The following CEP192 variants were observed in gnomAD, a reference collection of about 807,000 sequenced individuals.
CEP192 encodes the protein centrosomal protein of 192 kDa.
A neutral mutation model predicts 271.8 loss-of-function variants in CEP192; 151 were observed. The ratio of observed to expected loss-of-function variants is 0.56; its 90% CI spans 0.49 to 0.64. The LOEUF is 0.64. CEP192 is among the 30% of genes least tolerant of loss of function. The pLI, the probability that CEP192 is intolerant of heterozygous loss-of-function variation, is 0.00. For synonymous variants in CEP192, 995 were observed against 1,076.5 expected (o/e 0.92, Z 1.48); for missense variants, 2,910 against 3,020.5 (o/e 0.96, Z 0.86).
At chr18:13,117,410 G>T (rs1007935299) in intron 43 of CEP192, among the ~76,000 whole-genome samples, 175 bp from the exon 44 acceptor site, 8 of 152,100 alleles carry the variant, frequency 5.3e-5, no homozygotes, top group African/African-American at 1.9e-4. Flanking sequence ...TTAAATTCAT[G>T]TTAAAATTTT....
intron 30 of CEP192, among the ~76,000 whole-genome samples, chr18:13,073,392 G>C (rs978803081): frequency 6.6e-6 from 1 of 152,162 alleles, no homozygotes; most frequent in African/African-American, 2.4e-5. Context: ...ATAAGTATTA[G>C]TCTTTCTAAT....
intron 44 of CEP192, among the ~76,000 whole-genome samples, chr18:13,121,518 A>C (rs1190824295): frequency 1.3e-5 from 2 of 152,208 alleles, no homozygotes; most frequent in African/African-American, 4.8e-5. Flanking sequence ...AGGTGGGTGA[A>C]CACGAATGTA....
At chr18:13,079,455 A>G (rs1035745397) in intron 30 of CEP192, among the ~76,000 whole-genome samples, 11 of 152,250 alleles carry the variant, frequency 7.2e-5, no homozygotes, top group African/African-American at 2.6e-4. Context: ...GTGTCTGTTC[A>G]TATCCTTTGC....
intron 40 of CEP192, among the ~76,000 whole-genome samples, chr18:13,107,231 G>A (rs116558747): frequency 0.011 from 1,713 of 152,288 alleles, 42 homozygotes; most frequent in African/African-American, 0.039. Context: ...GTGCTGTGGC[G>A]CATGACTCTA....
chr18:13,114,778 C>T (rs940127905), intron 42 of CEP192, among the ~76,000 whole-genome samples: 2 of 152,146 alleles, frequency 1.3e-5, no homozygotes, highest in African/African-American at 4.8e-5. Flanking sequence ...ATTGCGAGGT[C>T]ACATGATAAC....
chr18:13,072,866 C>G, intron 29 of CEP192, 21 bp downstream of exon 29: 1 of 1,573,222 alleles, frequency 6.4e-7, no homozygotes, highest in Non-Finnish European at 8.7e-7. Context: ...TACGTGGATT[C>G]TTGTTATGTC....
chr18:13,107,166 CA>C (rs2039994567), intron 40 of CEP192, among the ~76,000 whole-genome samples: 1 of 151,978 alleles, frequency 6.6e-6, no homozygotes, highest in South Asian at 2.1e-4. Flanking sequence ...AGCATTTTGC[CA>C]AAGGTCATAC....
intron 40 of CEP192, among the ~76,000 whole-genome samples, chr18:13,106,557 C>G (rs1246712527): frequency 6.6e-6 from 1 of 151,046 alleles, no homozygotes; most frequent in African/African-American, 2.4e-5. Flanking sequence ...CCCACACAAC[C>G]CTCAATAACA....
chr18:13,103,996 G>T (rs988734234), intron 39 of CEP192: 21 of 376,998 alleles, frequency 5.6e-5, no homozygotes, highest in African/African-American at 8.4e-5. Flanking sequence ...GGCCTTGCTG[G>T]TTATTTGTTC....
chr18:13,080,450 G>A (rs1598538564), intron 30 of CEP192, among the ~76,000 whole-genome samples: 1 of 152,108 alleles, frequency 6.6e-6, no homozygotes, highest in Non-Finnish European at 1.5e-5. Flanking sequence ...TCTGTTATTG[G>A]TGTATAGGAA....
At chr18:12,991,920 A>ATG (rs10659227) in intron 1 of CEP192, among the ~76,000 whole-genome samples, 107,277 of 151,848 alleles carry the variant, frequency 0.71, 39,080 homozygotes, top group African/African-American at 0.89. Context: ...TGTTAACTTA[A>ATG]CTTAATGCCC....
At chr18:13,115,240 C>T (rs975522176) in intron 42 of CEP192, among the ~76,000 whole-genome samples, 1 of 152,174 alleles carries the variant, frequency 6.6e-6, no homozygotes, top group African/African-American at 2.4e-5. Context: ...CACAGCCTCG[C>T]CAACCCAGAG....
intron 13 of CEP192, among the ~76,000 whole-genome samples, chr18:13,039,831 A>G (rs2036111048): frequency 1.3e-5 from 2 of 152,062 alleles, no homozygotes; most frequent in Admixed American, 1.3e-4. Flanking sequence ...CAGAAGAGGG[A>G]AAGAAGCAGG....
intron 17 of CEP192, among the ~76,000 whole-genome samples, chr18:13,050,128 G>T (rs1006154101): frequency 3.9e-5 from 6 of 152,066 alleles, no homozygotes; most frequent in African/African-American, 1.4e-4. Context: ...GTTACAGACT[G>T]CATAATGGAT....
Position 13,121,668 on chromosome 18 carries a change from C to A in CEP192, c.7476-2964C>A, listed in dbSNP as rs115683445. The stretch of plus-strand genomic sequence containing the variant: ...AGAATTTATGTTTCTACTTAGTCCC[C>A]AAAAGCATCTTTCTCTTAACCTATT... On this transcript the variant is annotated intron_variant, in intron 44 of 44. Coordinates refer to ENST00000506447, the MANE Select transcript of CEP192 (RefSeq NM_032142.4). 5.8e-3 allele frequency among the ~76,000 whole-genome samples: 890 copies of A among 152,296 alleles called. 13 individuals carry two copies. Among genetic ancestry groups the A allele is most frequent in the African/African-American group, 0.02 (833 of 41,554 alleles).
intron 42 of CEP192, among the ~76,000 whole-genome samples, chr18:13,114,791 T>C (rs1037436791): frequency 5.3e-5 from 8 of 152,236 alleles, no homozygotes; most frequent in Admixed American, 4.6e-4. Flanking sequence ...ATGATAACCA[T>C]GTGTTGAACT....
chr18:13,117,055 C>T (rs557872923), intron 43 of CEP192, among the ~76,000 whole-genome samples: 65 of 136,558 alleles, frequency 4.8e-4, no homozygotes, highest in African/African-American at 1.7e-3. Flanking sequence ...GACTCCATCT[C>T]TACCAAAAAA....
At chr18:13,038,909 C>G (rs766904877) in intron 13 of CEP192, among the ~76,000 whole-genome samples, 1 of 152,120 alleles carries the variant, frequency 6.6e-6, no homozygotes, top group Non-Finnish European at 1.5e-5. Context: ...AATAGTTGTT[C>G]ATTGCTGTTG....
rs1468745752 is a variant in CEP192, at chr18:13,015,343, G to A, written c.535G>A (p.Ala179Thr). 15 of 1,550,794 alleles carry A rather than the reference G, an allele frequency of 9.7e-6. No individual in the cohort carries two copies. In the Middle Eastern group the frequency reaches 8.3e-4, roughly 86 times the overall value. ...TTTCTTATAGATTGTTGTGCTTGATGCTGGAAAACATTTTGAAGACAAGAC... is the reference window on the plus strand; with the variant it reads ...TTTCTTATAGATTGTTGTGCTTGATACTGGAAAACATTTTGAAGACAAGAC... ...NKEPKIVVLD[A>T]GKHFEDKTLK... The change falls in exon 6 of 45, where the codon GCT becomes ACT. Residue 179 changes from alanine (A) to threonine (T), a missense_variant. Coordinates refer to ENST00000506447, the MANE Select transcript of CEP192 (RefSeq NM_032142.4).
Sources: allele counts gnomAD v4.1 joint callset (sites outside exome capture counted in the v4.1 genomes callset), GRCh38; gene constraint gnomAD v4.1.1; transcripts MANE v1.5; gene names NCBI Gene and HGNC (gene_info 2026-07-23, HGNC 2026-07-21).